MMP24: variants seen among roughly 807,000 people sequenced by gnomAD.
The protein encoded by MMP24 is matrix metallopeptidase 24, also known as matrix metalloproteinase-24.
MMP24 carries 25 observed loss-of-function variants against 62.8 expected under a neutral mutation model. That is an observed-to-expected ratio of 0.40 (90% CI 0.29 to 0.56). The LOEUF (loss-of-function observed/expected upper bound fraction) is 0.56, where lower values mean the gene tolerates loss of function less well. MMP24 is among the 20% of genes least tolerant of loss of function. The probability of loss-of-function intolerance (pLI) is 0.50; values close to 1 mark genes in which losing one functional copy is unlikely to be tolerated. For synonymous variants in MMP24, 319 were observed against 350.5 expected, an observed-to-expected ratio of 0.91 and a Z score of 1.00; for missense variants, 634 against 853.6, an observed-to-expected ratio of 0.74 and a Z score of 3.21.
intron 1 of MMP24, among the ~76,000 whole-genome samples, chr20:35,230,436 A>G (rs569310033): frequency 5.9e-5 from 9 of 152,264 alleles, no homozygotes; most frequent in Non-Finnish European, 1.3e-4. Flanking sequence ...TCAATGAGCA[A>G]TCAATGATTC....
intron 1 of MMP24, among the ~76,000 whole-genome samples, chr20:35,239,701 C>G (rs920409928): frequency 1.3e-5 from 2 of 152,172 alleles, no homozygotes; most frequent in Admixed American, 6.6e-5. Context: ...GTGGCAAACG[C>G]CTGTAGTCCC....
intron 1 of MMP24, among the ~76,000 whole-genome samples, chr20:35,230,357 C>T (rs2060432399): frequency 6.6e-6 from 1 of 152,100 alleles, no homozygotes; most frequent in South Asian, 2.1e-4. Flanking sequence ...GCAAGGCTTT[C>T]TTGACCAAAA....
At chr20:35,252,149 C>A in intron 3 of MMP24, 128 bp downstream of exon 3, 1 of 735,320 alleles carries the variant, frequency 1.4e-6, no homozygotes, top group Non-Finnish European at 2.3e-6. Context: ...GGCCAAGAGC[C>A]AGGCATGTGG....
At chr20:35,248,597 C>T (rs1032825001) in intron 2 of MMP24, among the ~76,000 whole-genome samples, 4 of 152,132 alleles carry the variant, frequency 2.6e-5, no homozygotes, top group African/African-American at 7.2e-5. Context: ...CGTGAGCCAC[C>T]GTGCCCAGCC....
intron 7 of MMP24, among the ~76,000 whole-genome samples, chr20:35,270,286 A>G (rs569013760): frequency 2.2e-4 from 33 of 152,334 alleles, no homozygotes; most frequent in African/African-American, 7.7e-4. Context: ...AGGTTGTTTC[A>G]TGACAGTTAT....
intron 1 of MMP24, among the ~76,000 whole-genome samples, chr20:35,237,897 G>A (rs1241685478): frequency 6.6e-6 from 1 of 152,110 alleles, no homozygotes; most frequent in African/African-American, 2.4e-5. Context: ...ATAGATTAGG[G>A]TCACAGCAGT....
intron 2 of MMP24, among the ~76,000 whole-genome samples, chr20:35,250,904 C>T (rs1030358291): frequency 1.3e-5 from 2 of 152,204 alleles, no homozygotes; most frequent in African/African-American, 2.4e-5. Flanking sequence ...CAAATCAAAA[C>T]ATATCACCTG....
chr20:35,258,404 A>G (rs1402208554), intron 4 of MMP24, among the ~76,000 whole-genome samples: 2 of 152,160 alleles, frequency 1.3e-5, no homozygotes, highest in Non-Finnish European at 2.9e-5. Flanking sequence ...TCCAAACAAG[A>G]TCCACACACA....
chr20:35,255,535 G>T (rs1600791715), intron 4 of MMP24, among the ~76,000 whole-genome samples: 1 of 152,258 alleles, frequency 6.6e-6, no homozygotes, highest in Middle Eastern at 3.4e-3. Flanking sequence ...ATGGTTCAAT[G>T]AATATTTATG....
chr20:35,275,791 T>C lies in MMP24; in HGVS notation c.*1182T>C, dbSNP rs116117360. On this transcript the variant is annotated 3_prime_UTR_variant, in exon 9 of 9. Transcript: ENST00000246186. ...TGTTTTCCCAGAGCTTGGCCCTTGCTGACCTCGCTCACTGGGCCCATCTTC... is the reference window on the plus strand; with the variant it reads ...TGTTTTCCCAGAGCTTGGCCCTTGCCGACCTCGCTCACTGGGCCCATCTTC... 1,869 of 386,306 alleles carry C rather than the reference T, an allele frequency of 4.8e-3. 26 individuals are homozygous for C. The highest frequency in any genetic ancestry group is 0.035 in the African/African-American group (1,688 of 48,532). The allele number at this position is 386,306 out of a possible 1,614,324, so 23.9% of individuals were successfully genotyped here.
At chr20:35,257,311 C>T (rs1315571019) in intron 4 of MMP24, among the ~76,000 whole-genome samples, 1 of 152,142 alleles carries the variant, frequency 6.6e-6, no homozygotes, top group Non-Finnish European at 1.5e-5. Flanking sequence ...TTTCCTTTGC[C>T]CTGGTATCTC....
chr20:35,240,903 C>CA (rs1568610871), intron 1 of MMP24, among the ~76,000 whole-genome samples: 1 of 152,278 alleles, frequency 6.6e-6, no homozygotes, highest in East Asian at 1.9e-4. Flanking sequence ...GTGGGAAAAA[C>CA]AGACATATCC....
chr20:35,233,301 T>TG (rs938064032), intron 1 of MMP24, among the ~76,000 whole-genome samples: 3 of 152,128 alleles, frequency 2.0e-5, no homozygotes, highest in African/African-American at 7.2e-5. Flanking sequence ...TCCAGCTACT[T>TG]GGGTGGCTGA....
chr20:35,262,081 C>T (rs1256164261), intron 4 of MMP24, among the ~76,000 whole-genome samples: 1 of 152,122 alleles, frequency 6.6e-6, no homozygotes, highest in Non-Finnish European at 1.5e-5. Context: ...GGATTACAGG[C>T]GTGAGCCACC....
chr20:35,271,696 G>T lies in MMP24; in HGVS notation c.1461G>T (p.Lys487Asn), dbSNP rs1200997163. 1 of 1,608,042 alleles carries T rather than the reference G, an allele frequency of 6.2e-7. No homozygotes were observed. Among genetic ancestry groups the T allele is most frequent in the Non-Finnish European group, 8.5e-7 (1 of 1,177,436 alleles). ...CTCTGCGCTGGGAACCTGTGGGCAA[G>T]ACCTACTTTTTCAAAGGCGAGCGGT... ...DTALRWEPVG[K>N]TYFFKGERYW... Residue 487 changes from lysine (K) to asparagine (N), a missense_variant, in exon 8 of 9, where the codon AAG (lysine) becomes AAT (asparagine). Lys to Asn is a moderately conservative substitution (Grantham distance 94). This residue lies in a region of MMP24 where 399 missense variants were observed against 530.8 expected (regional missense o/e 0.75). Coordinates refer to ENST00000246186, the MANE Select transcript of MMP24 (RefSeq NM_006690.4). The surrounding 1 kb of genome is among the most constrained non-coding windows in gnomAD (Gnocchi z 4.0).
chr20:35,267,468 C>T (rs201852754), intron 6 of MMP24, 49 bp downstream of exon 6: 2 of 1,501,564 alleles, frequency 1.3e-6, no homozygotes, highest in East Asian at 4.9e-5. Context: ...ACCTTTCCTC[C>T]TCCTCCCCGA....
chr20:35,246,035 T>C (rs116934196), intron 1 of MMP24, among the ~76,000 whole-genome samples: 1,859 of 152,236 alleles, frequency 0.012, 18 homozygotes, highest in Non-Finnish European at 0.02. Flanking sequence ...GGGGTAGCAA[T>C]ACATATTGTA....
At chr20:35,239,702 C>CT (rs1201487697) in intron 1 of MMP24, among the ~76,000 whole-genome samples, 2 of 152,172 alleles carry the variant, frequency 1.3e-5, no homozygotes, top group Non-Finnish European at 2.9e-5. Flanking sequence ...TGGCAAACGC[C>CT]TGTAGTCCCA....
intron 2 of MMP24, among the ~76,000 whole-genome samples, chr20:35,249,862 G>A (rs2060535628): frequency 6.6e-6 from 1 of 152,052 alleles, no homozygotes; most frequent in African/African-American, 2.4e-5. Context: ...CAAAGTGCTG[G>A]GATTACAGGT....
Sources: allele counts gnomAD v4.1 joint callset (sites outside exome capture counted in the v4.1 genomes callset), GRCh38; gene constraint gnomAD v4.1.1; regional missense constraint gnomAD v4.1.1; non-coding constraint Gnocchi (gnomAD v3.1); transcripts MANE v1.5; gene names NCBI Gene and HGNC (gene_info 2026-07-23, HGNC 2026-07-21).